NUBPL: variants seen among roughly 807,000 people sequenced by gnomAD.
NUBPL encodes NUBP iron-sulfur cluster assembly factor, mitochondrial, also known as iron-sulfur cluster transfer protein NUBPL.
In NUBPL, 31 loss-of-function variants were observed where a neutral mutation model predicts 45.7. That is an observed-to-expected ratio of 0.68 (90% confidence interval 0.51 to 0.92). The LOEUF (loss-of-function observed/expected upper bound fraction) is 0.92, where lower values mean the gene tolerates loss of function less well. NUBPL is among the 40% of genes least tolerant of loss of function. The probability of loss-of-function intolerance (pLI) is 0.00; values close to 1 mark genes in which losing one functional copy is unlikely to be tolerated. For synonymous variants in NUBPL, 144 were observed against 140.9 expected, an observed-to-expected ratio of 1.02 and a Z score of -0.15; for missense variants, 401 against 398.7, an observed-to-expected ratio of 1.01 and a Z score of -0.05.
At position 31,752,821 on chromosome 14, in the gene NUBPL, A is replaced by T. The variant is rs181390357; in HGVS notation, c.514-34959A>T. ...AGACTGGATAATTAATGAAGAAAAA[A>T]GGTTTAATGAACTCACATGTTCCAC... On this transcript the variant is annotated intron_variant, in intron 6 of 10. Transcript: ENST00000281081. 2.4e-4 allele frequency among the ~76,000 whole-genome samples: 37 copies of T among 152,350 alleles called. No homozygotes were observed. In the East Asian group the frequency reaches 4.2e-3, roughly 17 times the overall value.
rs1291652371 is a variant in NUBPL at position 31,794,026 on chromosome 14, C to T, written c.607+6153C>T. ...ATAGTTTACTGAGAATGATGGTTTCCAATTTCATCCATGTCCCTACAAAGG... is the reference window on the plus strand; with the variant it reads ...ATAGTTTACTGAGAATGATGGTTTCTAATTTCATCCATGTCCCTACAAAGG... On this transcript the variant is annotated intron_variant, in intron 7 of 10. Coordinates refer to ENST00000281081, the MANE Select transcript of NUBPL (RefSeq NM_025152.3). Among the ~76,000 whole-genome samples the T allele has an allele frequency of 1.2e-4, 10 of 84,244 alleles. No individual in the cohort carries two copies. In the South Asian group the frequency reaches 2.1e-3, roughly 18 times the overall value. 55.3% of individuals were successfully genotyped at this position (84,244 alleles called of 152,430 possible). A position where few individuals can be genotyped will look rare whatever the true frequency, so the allele number is the denominator to read the frequency against.
chr14:31,847,644 T>G (rs191383795), intron 9 of NUBPL, among the ~76,000 whole-genome samples: 1 of 152,228 alleles, frequency 6.6e-6, no homozygotes, highest in Admixed American at 6.5e-5. Flanking sequence ...AGATGCTGAA[T>G]AGGGAAGGCA....
chr14:31,635,040 G>A (rs1195029747), intron 4 of NUBPL, among the ~76,000 whole-genome samples: 1 of 149,634 alleles, frequency 6.7e-6, no homozygotes, highest in Admixed American at 6.6e-5. Flanking sequence ...TTTGTAGGTT[G>A]CCTGTTCACT....
At chr14:31,710,551 A>C (rs1313871038) in intron 6 of NUBPL, among the ~76,000 whole-genome samples, 2 of 152,150 alleles carry the variant, frequency 1.3e-5, no homozygotes, top group African/African-American at 2.4e-5. Context: ...CAAGGAGGAC[A>C]GAGAAAAATC....
At chr14:31,814,052 C>T (rs546286867) in intron 7 of NUBPL, among the ~76,000 whole-genome samples, 95 of 152,234 alleles carry the variant, frequency 6.2e-4, no homozygotes, top group Non-Finnish European at 7.2e-4. Flanking sequence ...ATATACCCAG[C>T]AATGGGATTG....
chr14:31,595,383 C>T (rs1353156785), intron 3 of NUBPL, among the ~76,000 whole-genome samples: 2 of 152,160 alleles, frequency 1.3e-5, no homozygotes, highest in African/African-American at 4.8e-5. Flanking sequence ...TTAAAGATGA[C>T]AATCAGACTT....
At chr14:31,623,465 G>T (rs556140950) in intron 4 of NUBPL, among the ~76,000 whole-genome samples, 29 of 152,228 alleles carry the variant, frequency 1.9e-4, no homozygotes, top group Non-Finnish European at 1.5e-5. Flanking sequence ...GTTTGGTTCA[G>T]TGTCCCCACC....
At chr14:31,598,652 A>G (rs1009104947) in intron 3 of NUBPL, among the ~76,000 whole-genome samples, 3 of 152,226 alleles carry the variant, frequency 2.0e-5, no homozygotes, top group Non-Finnish European at 4.4e-5. Context: ...TGCATCATCA[A>G]AGAAAACAGT....
intron 4 of NUBPL, among the ~76,000 whole-genome samples, chr14:31,624,058 T>C (rs983824544): frequency 6.6e-6 from 1 of 152,136 alleles, no homozygotes; most frequent in Admixed American, 6.5e-5. Flanking sequence ...CTAGATGCGA[T>C]GTAGGGGCCA....
At position 31,686,164 on chromosome 14, in the gene NUBPL, CA is replaced by C. The variant is rs2036948980; in HGVS notation, c.513+12592del. Among the ~76,000 whole-genome samples, 5 of 152,156 alleles carry C rather than the reference CA, an allele frequency of 3.3e-5. No homozygotes were observed. The South Asian group carries it at 1.0e-3, about 32-fold the overall frequency. On this transcript the variant is annotated intron_variant, in intron 6 of 10. Coordinates refer to ENST00000281081, the MANE Select transcript of NUBPL (RefSeq NM_025152.3). Reference sequence around the variant, plus strand: ...TTTGCCAAGTTTTTATGACTGTTTTCAATAACTCTTTGAAGCCTGCAAGGTG... The same window carrying C: ...TTTGCCAAGTTTTTATGACTGTTTTCATAACTCTTTGAAGCCTGCAAGGTG...
At chr14:31,778,745 A>G (rs748514305) in intron 6 of NUBPL, among the ~76,000 whole-genome samples, 9 of 152,200 alleles carry the variant, frequency 5.9e-5, no homozygotes, top group Non-Finnish European at 1.3e-4. Flanking sequence ...GGAGCTAAAT[A>G]AAATCTTGTT....
chr14:31,678,478 T>C (rs1479080892), intron 6 of NUBPL, among the ~76,000 whole-genome samples: 1 of 152,198 alleles, frequency 6.6e-6, no homozygotes, highest in Non-Finnish European at 1.5e-5. Context: ...TGCTGGTTGT[T>C]CATGGCCCAG....
chr14:31,629,279 C>G (rs1250153548), intron 4 of NUBPL, among the ~76,000 whole-genome samples: 2 of 152,014 alleles, frequency 1.3e-5, no homozygotes, highest in East Asian at 3.8e-4. Flanking sequence ...TGTTTCTTCT[C>G]CTTTTATTAA....
chr14:31,605,903 C>T (rs1227580921), intron 4 of NUBPL, among the ~76,000 whole-genome samples: 1 of 147,226 alleles, frequency 6.8e-6, no homozygotes, highest in African/African-American at 2.5e-5. Flanking sequence ...CCTCCCTTCT[C>T]CTTCCTTCTC....
At chr14:31,701,814 G>C (rs1401011742) in intron 6 of NUBPL, among the ~76,000 whole-genome samples, 1 of 152,232 alleles carries the variant, frequency 6.6e-6, no homozygotes, top group Non-Finnish European at 1.5e-5. Context: ...CTTGAAGTCA[G>C]TGAGACCGAG....
intron 8 of NUBPL, among the ~76,000 whole-genome samples, chr14:31,839,525 A>G (rs117265861): frequency 0.013 from 1,974 of 152,334 alleles, 20 homozygotes; most frequent in Middle Eastern, 0.024. Flanking sequence ...AAGAAAACCT[A>G]GAAGAGAAGC....
chr14:31,591,271 T>A (rs1595333805), intron 3 of NUBPL, among the ~76,000 whole-genome samples: 1 of 152,176 alleles, frequency 6.6e-6, no homozygotes, highest in South Asian at 2.1e-4. Flanking sequence ...TAAGCAATTC[T>A]CCTGCCTCAG....
At chr14:31,629,968 C>A (rs549743421) in intron 4 of NUBPL, among the ~76,000 whole-genome samples, 1 of 152,198 alleles carries the variant, frequency 6.6e-6, no homozygotes, top group East Asian at 1.9e-4. Context: ...GTCAGAGTGA[C>A]CCAACCTGCA....
At chr14:31,677,555 G>A (rs770109434) in intron 6 of NUBPL, among the ~76,000 whole-genome samples, 32 of 152,338 alleles carry the variant, frequency 2.1e-4, no homozygotes, top group Admixed American at 1.6e-3. Flanking sequence ...TCTTGCAGAC[G>A]TGCAGAGGTA....
Sources: allele counts gnomAD v4.1 joint callset (sites outside exome capture counted in the v4.1 genomes callset), GRCh38; gene constraint gnomAD v4.1.1; transcripts MANE v1.5; gene names NCBI Gene and HGNC (gene_info 2026-07-23, HGNC 2026-07-21).